TICAM1: variants seen among roughly 807,000 people sequenced by gnomAD.
TICAM1 encodes the protein TIR domain-containing adapter molecule 1.
For synonymous variants in TICAM1, 439 were observed against 415.4 expected, an observed-to-expected ratio of 1.06 and a Z score of -0.69; for missense variants, 895 against 938.2, an observed-to-expected ratio of 0.95 and a Z score of 0.60.
At chr19:4,825,891 A>G (rs2093604720) in intron 1 of TICAM1, among the ~76,000 whole-genome samples, 1 of 152,026 alleles carries the variant, frequency 6.6e-6, no homozygotes. Context: ...CCGAGGAGGC[A>G]GAGGTTGCAG....
intron 1 of TICAM1, among the ~76,000 whole-genome samples, chr19:4,820,269 A>C (rs544087384): frequency 2.6e-5 from 4 of 151,184 alleles, no homozygotes; most frequent in Non-Finnish European, 5.9e-5. Flanking sequence ...AAATACAAAA[A>C]ATTAGCTGGG....
At chr19:4,820,799 G>T (rs1160984269) in intron 1 of TICAM1, among the ~76,000 whole-genome samples, 1 of 150,780 alleles carries the variant, frequency 6.6e-6, no homozygotes, top group Non-Finnish European at 1.5e-5. Flanking sequence ...CAGAAGAATC[G>T]CTTGAACCTG....
At chr19:4,822,603 C>T (rs962724021) in intron 1 of TICAM1, among the ~76,000 whole-genome samples, 1 of 152,188 alleles carries the variant, frequency 6.6e-6, no homozygotes, top group African/African-American at 2.4e-5. Context: ...TTACACACAT[C>T]GATGGCTGCT....
rs988662277 is a variant in TICAM1 at position 4,818,605 on chromosome 19, C to G, written c.-139-89G>C. Reference sequence around the variant, plus strand: ...CACACACCCCCGCCTGCTTTCCCCGCCTGCCACCCAGACCTAGCCAGGTGA... The same window carrying G: ...CACACACCCCCGCCTGCTTTCCCCGGCTGCCACCCAGACCTAGCCAGGTGA... On this transcript the variant is annotated intron_variant, in intron 1 of 1. Coordinates refer to ENST00000248244, the MANE Select transcript of TICAM1 (RefSeq NM_182919.4). This position sits in a 1 kb window ranked among gnomAD's most constrained non-coding sequence, Gnocchi z 4.0. 1.4e-5 allele frequency: 12 copies of G among 860,750 alleles called. No individual in the cohort carries two copies. The African/African-American group carries it at 2.1e-4, about 15-fold the overall frequency. The allele number at this position is 860,750 out of a possible 1,614,324, so 53.3% of individuals were successfully genotyped here. A position where few individuals can be genotyped will look rare whatever the true frequency, so the allele number is the denominator to read the frequency against.
rs935231020 is a variant in TICAM1, at chr19:4,818,143, C to G, written c.235G>C (p.Gly79Arg). ...VARLVARQWA[G>R]VDSTEDPEEP... ...TCTGGGTCCTCGGTGCTGTCCACGC[C>G]AGCCCACTGGCGGGCCACCAGCCGG... The change falls in exon 2 of 2, where the codon GGC becomes CGC. Residue 79 changes from glycine (G) to arginine (R), a missense_variant. By Grantham distance (125) the Gly-to-Arg change is moderately radical. Coordinates refer to ENST00000248244, the MANE Select transcript of TICAM1 (RefSeq NM_182919.4). This position sits in a 1 kb window ranked among gnomAD's most constrained non-coding sequence, Gnocchi z 4.0. 3 of 1,609,996 alleles carry G rather than the reference C, an allele frequency of 1.9e-6. No homozygotes were observed. The highest frequency in any genetic ancestry group is 2.2e-5 in the East Asian group (1 of 44,872).
chr19:4,822,012 C>T (rs1052269254), intron 1 of TICAM1, among the ~76,000 whole-genome samples: 11 of 151,796 alleles, frequency 7.2e-5, no homozygotes, highest in South Asian at 2.1e-4. Context: ...CTCAGCTCAC[C>T]GTAACCTCCA....
chr19:4,824,587 G>A lies in TICAM1; in HGVS notation c.-139-6071C>T, dbSNP rs148048281. ...TGACCTCAGATGACCCACCTGCCTC[G>A]GCCTCCCAAAGTGTTGGGATTACAG... is the stretch of plus-strand genomic sequence containing the variant. On this transcript the variant is annotated intron_variant, in intron 1 of 1. Coordinates refer to ENST00000248244, the MANE Select transcript of TICAM1 (RefSeq NM_182919.4). Among the ~76,000 whole-genome samples, 1,134 of 149,826 alleles carry A rather than the reference G, an allele frequency of 7.6e-3. 6 individuals are homozygous for A. The highest frequency in any genetic ancestry group is 0.01 in the Middle Eastern group (3 of 292).
At chr19:4,828,114 T>C (rs905167641) in intron 1 of TICAM1, among the ~76,000 whole-genome samples, 3 of 148,020 alleles carry the variant, frequency 2.0e-5, no homozygotes, top group African/African-American at 7.8e-5. Context: ...CACTCTTTTT[T>C]GTTTTTTTTA....
intron 1 of TICAM1, among the ~76,000 whole-genome samples, chr19:4,825,547 G>T (rs1037755461): frequency 2.6e-5 from 4 of 151,002 alleles, no homozygotes; most frequent in Non-Finnish European, 5.9e-5. Context: ...ATTAATTAAG[G>T]CAGGGTGCAG....
In TICAM1 at chr19:4,816,594, A is replaced by T. The variant is rs773634335; in HGVS notation, c.1784T>A (p.Met595Lys). The change falls in exon 2 of 2, where the codon ATG becomes AAG. Residue 595 changes from methionine to lysine, a missense_variant. Physicochemically the swap from Met to Lys is moderately conservative, Grantham distance 95. Transcript: ENST00000248244. This position sits in a 1 kb window ranked among gnomAD's most constrained non-coding sequence, Gnocchi z 4.3. ...EQLQVAFGSH[M>K]SFGTGAPYGA... The stretch of plus-strand genomic sequence containing the variant: ...ATAGGGCGCCCCAGTCCCAAATGAC[A>T]TGTGGCTCCCAAAAGCCACCTGGAG... 2 of 1,613,674 alleles carry T rather than the reference A, an allele frequency of 1.2e-6. No homozygotes were observed. The highest frequency in any genetic ancestry group is 2.7e-5 in the African/African-American group (2 of 74,922).
At position 4,817,330 on chromosome 19, in the gene TICAM1, G is replaced by A. The variant is rs2093588246; in HGVS notation, c.1048C>T (p.Pro350Ser). Residue 350 changes from proline to serine, a missense_variant, in exon 2 of 2, where the codon CCA (proline) becomes TCA (serine). Transcript: ENST00000248244. The surrounding 1 kb of genome is among the most constrained non-coding windows in gnomAD (Gnocchi z 4.7). Reference protein sequence around the residue: ...DTTSPNTKPCPPTPTTPETSP... With the variant: ...DTTSPNTKPCSPTPTTPETSP... ...GTTTCTGGGGTGGTGGGAGTAGGTG[G>A]GCACGGCTTGGTATTTGGAGAGGTG... The A allele has an allele frequency of 6.2e-7, 1 of 1,613,926 alleles. No individual in the cohort carries two copies. Among genetic ancestry groups the A allele is most frequent in the Non-Finnish European group, 8.5e-7 (1 of 1,180,028 alleles).
intron 1 of TICAM1, among the ~76,000 whole-genome samples, chr19:4,820,874 A>G (rs1183891819): frequency 2.0e-5 from 3 of 151,318 alleles, no homozygotes; most frequent in Non-Finnish European, 2.9e-5. Context: ...AAAGAACAAG[A>G]CTCCATCAAA....
rs2093590254 is a variant in TICAM1, at chr19:4,817,936, T to C, written c.442A>G (p.Ile148Val). ...CGGATGCTCCCTGGATCCCCAGCAA[T>C]GTCCCACCCACACCGGTTTCGGGCC... Reference protein sequence around the residue: ...DEARNRCGWDIAGDPGSIRTL... With the variant: ...DEARNRCGWDVAGDPGSIRTL... The change falls in exon 2 of 2, where the codon ATT becomes GTT. Residue 148 changes from isoleucine (I) to valine (V), a missense_variant. Transcript: ENST00000248244. This position sits in a 1 kb window ranked among gnomAD's most constrained non-coding sequence, Gnocchi z 4.7. 1.2e-6 allele frequency: 2 copies of C among 1,613,902 alleles called. No homozygotes were observed. Among genetic ancestry groups the C allele is most frequent in the Non-Finnish European group, 1.7e-6 (2 of 1,179,972 alleles).
intron 1 of TICAM1, among the ~76,000 whole-genome samples, chr19:4,821,403 C>T (rs1485266123): frequency 1.3e-5 from 2 of 152,104 alleles, no homozygotes; most frequent in Admixed American, 1.3e-4. Flanking sequence ...CACACACTTA[C>T]ATGCAACCAC....
chr19:4,821,926 G>T (rs908069187), intron 1 of TICAM1, among the ~76,000 whole-genome samples: 1 of 147,498 alleles, frequency 6.8e-6, no homozygotes, highest in South Asian at 2.1e-4. Context: ...TTACAGGCAT[G>T]AGCCACCCCG....
At chr19:4,827,650 C>T (rs868826361) in intron 1 of TICAM1, among the ~76,000 whole-genome samples, 1 of 149,786 alleles carries the variant, frequency 6.7e-6, no homozygotes, top group Non-Finnish European at 1.5e-5. Flanking sequence ...CCCAGCTACT[C>T]GGAAGGCTGA....
rs762817333 is a variant in TICAM1, at chr19:4,828,208, G to A, written c.-140+3406C>T. Among the ~76,000 whole-genome samples, 5 of 151,530 alleles carry A rather than the reference G, an allele frequency of 3.3e-5. No individual in the cohort carries two copies. In the South Asian group the frequency reaches 8.3e-4, roughly 25 times the overall value. ...CGGCTCACTACAAGTTCTGCCTCCC[G>A]GGTTCCCACCGTTCTCCTGCCTCAG... On this transcript the variant is annotated intron_variant, in intron 1 of 1. Transcript: ENST00000248244.
Position 4,817,756 on chromosome 19 carries a change from C to T in TICAM1, c.622G>A (p.Glu208Lys). ...GGCATGGTAGGGGACTGGCTGATTT[C>T]CAAGTTGCTGGCCAGGGAGGCAGGG... Reference protein sequence around the residue: ...GSPASLASNLEISQSPTMPFL... With the variant: ...GSPASLASNLKISQSPTMPFL... The change falls in exon 2 of 2, where the codon GAA (glutamate) becomes AAA (lysine). Residue 208 changes from glutamate (E) to lysine (K), a missense_variant. Coordinates refer to ENST00000248244, the MANE Select transcript of TICAM1 (RefSeq NM_182919.4). This position sits in a 1 kb window ranked among gnomAD's most constrained non-coding sequence, Gnocchi z 4.7. 1.2e-6 allele frequency: 2 copies of T among 1,602,298 alleles called. No homozygotes were observed. The highest frequency in any genetic ancestry group is 1.3e-5 in the African/African-American group (1 of 74,944).
chr19:4,816,922 C>T lies in TICAM1; in HGVS notation c.1456G>A (p.Val486Ile). 2 of 1,613,804 alleles carry T rather than the reference C, an allele frequency of 1.2e-6. No homozygotes were observed. The highest frequency in any genetic ancestry group is 1.7e-6 in the Non-Finnish European group (2 of 1,180,012). Residue 486 changes from valine (V) to isoleucine (I), a missense_variant, in exon 2 of 2, where the codon GTC becomes ATC. Transcript: ENST00000248244. The surrounding 1 kb of genome is among the most constrained non-coding windows in gnomAD (Gnocchi z 4.3). The part of the protein sequence containing the change: ...NLTRQGSPDC[V>I]IPFLPLESSP... ...CTCTCCAGGGGCAGGAAGGGGATGACACAGTCTGGCGACCCCTGTCGCGTG... is the reference window on the plus strand; with the variant it reads ...CTCTCCAGGGGCAGGAAGGGGATGATACAGTCTGGCGACCCCTGTCGCGTG...
Sources: allele counts gnomAD v4.1 joint callset (sites outside exome capture counted in the v4.1 genomes callset), GRCh38; gene constraint gnomAD v4.1.1; non-coding constraint Gnocchi (gnomAD v3.1); transcripts MANE v1.5; gene names NCBI Gene and HGNC (gene_info 2026-07-23, HGNC 2026-07-21).